The following SGMS1 variants were observed in gnomAD, a reference collection of about 807,000 sequenced individuals.
SGMS1 encodes phosphatidylcholine:ceramide cholinephosphotransferase 1.
SGMS1 carries 13 observed loss-of-function variants against 46.2 expected under a neutral mutation model. The ratio of observed to expected loss-of-function variants is 0.28; its 90% CI spans 0.18 to 0.45. The LOEUF (loss-of-function observed/expected upper bound fraction) is 0.45, where lower values mean the gene tolerates loss of function less well. Ranked by LOEUF, SGMS1 falls within the 20% of genes least tolerant of loss-of-function variation. The probability of loss-of-function intolerance (pLI) is 1.00; values close to 1 mark genes in which losing one functional copy is unlikely to be tolerated. For synonymous variants in SGMS1, 203 were observed against 187.8 expected, an observed-to-expected ratio of 1.08 and a Z score of -0.66; for missense variants, 324 against 519.9, an observed-to-expected ratio of 0.62 and a Z score of 3.66.
chr10:50,414,773 C>T (rs1174354860), intron 6 of SGMS1, among the ~76,000 whole-genome samples: 1 of 152,168 alleles, frequency 6.6e-6, no homozygotes, highest in African/African-American at 2.4e-5. Flanking sequence ...GTTCCAAATA[C>T]CCTATCTCTT....
At chr10:50,324,210 G>C (rs2133306835) in intron 8 of SGMS1, among the ~76,000 whole-genome samples, 1 of 152,290 alleles carries the variant, frequency 6.6e-6, no homozygotes, top group South Asian at 2.1e-4. Context: ...ATTTAGGGAG[G>C]GAACTGAGGC....
At chr10:50,390,038 A>C (rs1848743260) in intron 6 of SGMS1, among the ~76,000 whole-genome samples, 1 of 152,238 alleles carries the variant, frequency 6.6e-6, no homozygotes. Flanking sequence ...TCCTGATTTT[A>C]GCTGGTGTTC....
intron 5 of SGMS1, among the ~76,000 whole-genome samples, chr10:50,455,901 C>T (rs1243704806): frequency 6.6e-6 from 1 of 152,162 alleles, no homozygotes; most frequent in Non-Finnish European, 1.5e-5. Flanking sequence ...CTTTCTACCA[C>T]CAATGCTTGT....
chr10:50,611,158 T>C (rs17497203), intron 1 of SGMS1, among the ~76,000 whole-genome samples: 5,356 of 152,304 alleles, frequency 0.035, 133 homozygotes, highest in Middle Eastern at 0.075. Context: ...ATCTCACTTA[T>C]GGTCCATCTA....
At chr10:50,550,407 G>T (rs185344920) in intron 2 of SGMS1, among the ~76,000 whole-genome samples, 42 of 149,012 alleles carry the variant, frequency 2.8e-4, no homozygotes, top group Non-Finnish European at 4.1e-4. Context: ...GCATGAAGCT[G>T]CGGACTAGCT....
chr10:50,378,605 G>A (rs895525432), intron 6 of SGMS1, among the ~76,000 whole-genome samples: 1 of 152,120 alleles, frequency 6.6e-6, no homozygotes, highest in Non-Finnish European at 1.5e-5. Context: ...TTCTATTCAA[G>A]TACCCCAAAC....
At chr10:50,351,451 G>C (rs1462115505) in intron 6 of SGMS1, among the ~76,000 whole-genome samples, 2 of 152,182 alleles carry the variant, frequency 1.3e-5, no homozygotes, top group African/African-American at 4.8e-5. Context: ...ATTTTGCGGG[G>C]ACAGGGGCAG....
At chr10:50,400,173 T>C (rs983065170) in intron 6 of SGMS1, among the ~76,000 whole-genome samples, 2 of 151,840 alleles carry the variant, frequency 1.3e-5, no homozygotes, top group Non-Finnish European at 2.9e-5. Context: ...TACTTTCTAA[T>C]GGAGAGGAAG....
intron 8 of SGMS1, among the ~76,000 whole-genome samples, chr10:50,321,711 T>C (rs1847448681): frequency 6.6e-6 from 1 of 152,232 alleles, no homozygotes; most frequent in Non-Finnish European, 1.5e-5. Flanking sequence ...AGCCATATCC[T>C]GAAATACTGA....
intron 2 of SGMS1, among the ~76,000 whole-genome samples, chr10:50,567,591 C>T (rs572098127): frequency 6.0e-4 from 91 of 152,318 alleles, no homozygotes; most frequent in Non-Finnish European, 1.1e-3. Context: ...TCCTATTATA[C>T]GGGGCAGGCG....
intron 6 of SGMS1, among the ~76,000 whole-genome samples, chr10:50,370,918 G>A (rs1260266281): frequency 6.6e-6 from 1 of 152,094 alleles, no homozygotes; most frequent in East Asian, 1.9e-4. Flanking sequence ...AATTCCTCCT[G>A]AAGGACTTGC....
intron 5 of SGMS1, among the ~76,000 whole-genome samples, chr10:50,449,205 G>A (rs576350519): frequency 6.6e-6 from 1 of 152,290 alleles, no homozygotes; most frequent in South Asian, 2.1e-4. Context: ...TCCGTTAGTT[G>A]AGCACAGAAA....
At chr10:50,547,640 C>T (rs1004013978) in intron 2 of SGMS1, among the ~76,000 whole-genome samples, 4 of 152,148 alleles carry the variant, frequency 2.6e-5, no homozygotes, top group African/African-American at 9.7e-5. Flanking sequence ...ACTATTTCTA[C>T]TGAAACTATT....
intron 3 of SGMS1, among the ~76,000 whole-genome samples, chr10:50,469,398 T>C (rs969252956): frequency 6.6e-6 from 1 of 152,216 alleles, no homozygotes; most frequent in East Asian, 1.9e-4. Context: ...CCTGGTGATC[T>C]TCCTTTTATG....
chr10:50,427,385 C>T (rs755381398), intron 6 of SGMS1, among the ~76,000 whole-genome samples: 1 of 152,182 alleles, frequency 6.6e-6, no homozygotes, highest in East Asian at 1.9e-4. Flanking sequence ...TGTAACAGAG[C>T]GAGACTCCGT....
At chr10:50,521,904 A>T (rs556694047) in intron 2 of SGMS1, among the ~76,000 whole-genome samples, 1 of 152,284 alleles carries the variant, frequency 6.6e-6, no homozygotes, top group East Asian at 1.9e-4. Flanking sequence ...AAAAATTACT[A>T]CTTTTTCCCT....
intron 3 of SGMS1, among the ~76,000 whole-genome samples, chr10:50,503,485 A>G (rs1007929651): frequency 2.0e-5 from 3 of 151,996 alleles, no homozygotes; most frequent in Non-Finnish European, 4.4e-5. Flanking sequence ...AAGCTCCCCT[A>G]CTGAGCACCT....
chr10:50,498,366 T>C (rs1198056134), intron 3 of SGMS1, among the ~76,000 whole-genome samples: 1 of 152,222 alleles, frequency 6.6e-6, no homozygotes, highest in Non-Finnish European at 1.5e-5. Flanking sequence ...TTTAAGTATA[T>C]AGTTTTATGG....
At chr10:50,309,911 C>T (rs1037171395) in intron 9 of SGMS1, among the ~76,000 whole-genome samples, 2 of 152,244 alleles carry the variant, frequency 1.3e-5, no homozygotes, top group Middle Eastern at 3.4e-3. Flanking sequence ...TCCCTGATGC[C>T]ATCAGGCTAG....
Sources: allele counts gnomAD v4.1 joint callset (sites outside exome capture counted in the v4.1 genomes callset), GRCh38; gene constraint gnomAD v4.1.1; transcripts MANE v1.5; gene names NCBI Gene and HGNC (gene_info 2026-07-23, HGNC 2026-07-21).